NELL2: variants seen among roughly 807,000 people sequenced by gnomAD.
NELL2 encodes neural EGFL like 2.
Under a neutral mutation model 109.6 loss-of-function variants are expected in NELL2, and 41 were observed. That is an observed-to-expected ratio of 0.37 (90% confidence interval 0.29 to 0.49). The LOEUF (loss-of-function observed/expected upper bound fraction) is 0.49, where lower values mean the gene tolerates loss of function less well. Ranked by LOEUF, NELL2 falls within the 20% of genes least tolerant of loss-of-function variation. The pLI, the probability that NELL2 is intolerant of heterozygous loss-of-function variation, is 0.98. For missense variants in NELL2, 900 were observed against 1,008.3 expected, an observed-to-expected ratio of 0.89 and a Z score of 1.45; for synonymous variants, 355 against 344.7, an observed-to-expected ratio of 1.03 and a Z score of -0.33.
chr12:44,736,910 T>C (rs1312071604), intron 9 of NELL2, among the ~76,000 whole-genome samples: 2 of 152,020 alleles, frequency 1.3e-5, no homozygotes, highest in East Asian at 3.8e-4. Flanking sequence ...ATAGAAAATT[T>C]CCTAATTTAT....
chr12:44,863,446 G>T (rs1170909484), intron 2 of NELL2, among the ~76,000 whole-genome samples: 1 of 152,100 alleles, frequency 6.6e-6, no homozygotes, highest in East Asian at 1.9e-4. Flanking sequence ...TTCCAATAAA[G>T]CTAACAGAAG....
intron 15 of NELL2, among the ~76,000 whole-genome samples, chr12:44,568,212 T>C (rs559361810): frequency 6.6e-6 from 1 of 152,240 alleles, no homozygotes; most frequent in East Asian, 1.9e-4. Flanking sequence ...GCTAAGTTTG[T>C]GTAAAGGAAA....
At chr12:44,705,515 A>C (rs1937824722) in intron 11 of NELL2, among the ~76,000 whole-genome samples, 1 of 152,190 alleles carries the variant, frequency 6.6e-6, no homozygotes, top group Non-Finnish European at 1.5e-5. Context: ...AAAAGTTAAA[A>C]ATGCTTTCTC....
At chr12:44,733,471 T>C (rs1682432038) in intron 9 of NELL2, among the ~76,000 whole-genome samples, 1 of 151,934 alleles carries the variant, frequency 6.6e-6, no homozygotes, top group South Asian at 2.1e-4. Context: ...GGAGAAATAC[T>C]GCATGAACCC....
intron 9 of NELL2, among the ~76,000 whole-genome samples, chr12:44,733,313 C>T (rs1045758650): frequency 6.6e-6 from 1 of 151,846 alleles, no homozygotes; most frequent in Non-Finnish European, 1.5e-5. Flanking sequence ...CCTAAGTGTC[C>T]ACTGATGGAT....
At chr12:44,759,576 GA>G (rs1941036764) in intron 9 of NELL2, among the ~76,000 whole-genome samples, 1 of 152,098 alleles carries the variant, frequency 6.6e-6, no homozygotes, top group African/African-American at 2.4e-5. Context: ...CATGATTGAA[GA>G]AAAAAATCCC....
At chr12:44,897,798 C>T (rs1318907578) in intron 1 of NELL2, among the ~76,000 whole-genome samples, 2 of 151,938 alleles carry the variant, frequency 1.3e-5, no homozygotes, top group African/African-American at 4.8e-5. Flanking sequence ...GAGGCTGAAG[C>T]CAGGGAGCCA....
At chr12:44,794,183 A>G (rs1427633339) in intron 3 of NELL2, among the ~76,000 whole-genome samples, 2 of 152,076 alleles carry the variant, frequency 1.3e-5, no homozygotes, top group Non-Finnish European at 2.9e-5. Context: ...CTTCACCCCT[A>G]TGTGTTTCAT....
At chr12:44,654,197 GACAA>G (rs1251430480) in intron 13 of NELL2, among the ~76,000 whole-genome samples, 1 of 152,066 alleles carries the variant, frequency 6.6e-6, no homozygotes, top group Non-Finnish European at 1.5e-5. Context: ...TATTAAATTG[GACAA>G]TAACCTTACC....
At chr12:44,643,766 TAG>T (rs946626219) in intron 13 of NELL2, among the ~76,000 whole-genome samples, 14 of 152,180 alleles carry the variant, frequency 9.2e-5, no homozygotes, top group African/African-American at 3.4e-4. Flanking sequence ...TGAATTTCAG[TAG>T]AGTTTCTATG....
chr12:44,623,650 A>C (rs1946136455), intron 13 of NELL2, among the ~76,000 whole-genome samples: 3 of 152,098 alleles, frequency 2.0e-5, no homozygotes, highest in African/African-American at 7.2e-5. Context: ...GGAGTTTAAG[A>C]GATACTTTAA....
rs397821540 is a variant in NELL2 at position 44,598,884 on chromosome 12, C to CA, written c.1663+8284_1663+8285insT. Among the ~76,000 whole-genome samples the CA allele has an allele frequency of 2.4e-5, 3 of 123,208 alleles. No individual in the cohort carries two copies. In the East Asian group the frequency reaches 6.4e-4, roughly 26 times the overall value. The allele number at this position is 123,208 out of a possible 152,430, so 80.8% of individuals were successfully genotyped here. A position where few individuals can be genotyped will look rare whatever the true frequency, so the allele number is the denominator to read the frequency against. ...ACACACACACACACACACACACACA[C>CA]TCTCTCTCTCTCTCTCTCTCTCTCT... On this transcript the variant is annotated intron_variant, in intron 15 of 19. Transcript: ENST00000429094.
chr12:44,849,283 T>C (rs1426628101), intron 2 of NELL2, among the ~76,000 whole-genome samples: 1 of 151,730 alleles, frequency 6.6e-6, no homozygotes, highest in Non-Finnish European at 1.5e-5. Context: ...ATCCACAAAA[T>C]AAACATCTAA....
chr12:44,844,531 A>T (rs183432587), intron 2 of NELL2, among the ~76,000 whole-genome samples: 92 of 152,254 alleles, frequency 6.0e-4, no homozygotes, highest in African/African-American at 2.1e-3. Flanking sequence ...AAGGTGGGGG[A>T]TGGGGAAGGA....
chr12:44,707,839 A>T (rs777408429), intron 11 of NELL2, among the ~76,000 whole-genome samples: 19 of 152,232 alleles, frequency 1.2e-4, no homozygotes, highest in Non-Finnish European at 2.2e-4. Flanking sequence ...TATACATAGC[A>T]CATAGCCAGA....
At chr12:44,841,897 A>T (rs1267566563) in intron 2 of NELL2, among the ~76,000 whole-genome samples, 3 of 152,120 alleles carry the variant, frequency 2.0e-5, no homozygotes, top group African/African-American at 7.2e-5. Context: ...CACATCCTAA[A>T]CCAAGCCTGA....
At position 44,808,826 on chromosome 12, in the gene NELL2, AT is replaced by A. The variant is rs1240085724; in HGVS notation, c.335+7159del. ...TTTTTTCAGCCTCATACATAAATACATTTTTACTCACCCAGAATGTATAATT... is the reference window on the plus strand; with the variant it reads ...TTTTTTCAGCCTCATACATAAATACATTTTACTCACCCAGAATGTATAATT... On this transcript the variant is annotated intron_variant, in intron 3 of 19. Transcript: ENST00000429094. Among the ~76,000 whole-genome samples, 2 of 151,992 alleles carry A rather than the reference AT, an allele frequency of 1.3e-5. 1 individual carries two copies. The highest frequency in any genetic ancestry group is 2.9e-5 in the Non-Finnish European group (2 of 67,936).
intron 2 of NELL2, among the ~76,000 whole-genome samples, chr12:44,858,254 C>T (rs930097550): frequency 2.0e-5 from 3 of 152,122 alleles, no homozygotes; most frequent in Non-Finnish European, 2.9e-5. Flanking sequence ...GCTCCCAGGC[C>T]GTGCTCCTAA....
intron 3 of NELL2, among the ~76,000 whole-genome samples, chr12:44,808,875 C>T (rs1270042436): frequency 1.3e-5 from 2 of 151,922 alleles, no homozygotes; most frequent in African/African-American, 4.8e-5. Context: ...ATAGAAAAAT[C>T]TCATTTATTT....
Sources: gnomAD v4.1 joint callset for allele counts (sites outside exome capture counted in the v4.1 genomes callset) on GRCh38, gnomAD v4.1.1 for gene constraint, MANE v1.5 for transcripts, NCBI Gene and HGNC (gene_info 2026-07-23, HGNC 2026-07-21) for gene names.